Variants in DIPK1C observed in about 807,000 individuals in gnomAD.
DIPK1C encodes familial non-conventional Alzheimer's dementia.
A neutral mutation model predicts 28.0 loss-of-function variants in DIPK1C; 33 were observed. The ratio of observed to expected loss-of-function variants is 1.18; its 90% confidence interval spans 0.89 to 1.58. DIPK1C has a LOEUF of 1.58. Ranked by LOEUF, DIPK1C falls within the 40% of genes most tolerant of loss-of-function variation. The probability of loss-of-function intolerance (pLI) is 0.00; values close to 1 mark genes in which losing one functional copy is unlikely to be tolerated. For synonymous variants in DIPK1C, 255 were observed against 248.8 expected (o/e 1.02, Z -0.23); for missense variants, 569 against 568.5 (o/e 1.00, Z -0.01).
At chr18:74,457,312 C>A, upstream of DIPK1C, 1 of 975,820 alleles carries the variant, frequency 1.0e-6, no homozygotes, top group Middle Eastern at 5.3e-4. Flanking sequence ...CCGAGTTCCG[C>A]ACTCGCGTAG....
intron 3 of DIPK1C, among the ~76,000 whole-genome samples, chr18:74,438,262 G>T (rs1305956501): frequency 2.0e-5 from 3 of 152,208 alleles, no homozygotes; most frequent in Non-Finnish European, 1.5e-5. Context: ...GTGTGCGTGT[G>T]TCGTAAGTTA....
At position 74,447,884 on chromosome 18, in the gene DIPK1C, T is replaced by G. The variant is rs1389163569; in HGVS notation, c.199-601A>C. Among the ~76,000 whole-genome samples the G allele has an allele frequency of 6.6e-6, 1 of 151,690 alleles. No individual in the cohort carries two copies. Among genetic ancestry groups the G allele is most frequent in the Non-Finnish European group, 1.5e-5 (1 of 67,854 alleles). On this transcript the variant is annotated intron_variant, in intron 1 of 3. Coordinates refer to ENST00000343998, the MANE Select transcript of DIPK1C (RefSeq NM_001044369.3). The surrounding 1 kb of genome is among the most constrained non-coding windows in gnomAD (Gnocchi z 4.1). The stretch of plus-strand genomic sequence containing the variant: ...AGAGGAGAAGCCTCTAGAGGACACA[T>G]GAGTGGGCACAGGGCTCATGGCTGG...
intron 3 of DIPK1C, 91 bp from the exon 4 acceptor site, chr18:74,436,810 G>T: frequency 8.1e-7 from 1 of 1,240,658 alleles, no homozygotes. Context: ...ACAGATTTCA[G>T]CTTCTCTCCC....
At chr18:74,463,935 C>T in the DIPK1C span, among the ~76,000 whole-genome samples, 2 of 152,176 alleles carry the variant, frequency 1.3e-5, no homozygotes, top group Non-Finnish European at 2.9e-5. Flanking sequence ...AGGATGTTCA[C>T]ATCCAAAAAG....
At chr18:74,457,574 A>T (rs145055070), upstream of DIPK1C, among the ~76,000 whole-genome samples, 360 of 152,240 alleles carry the variant, frequency 2.4e-3, 3 homozygotes, top group African/African-American at 8.1e-3. Flanking sequence ...GGGTAGATTC[A>T]ATCGCCTCTC....
intron 1 of DIPK1C, among the ~76,000 whole-genome samples, chr18:74,452,373 A>C (rs1410648200): frequency 3.3e-5 from 5 of 152,108 alleles, no homozygotes; most frequent in African/African-American, 1.2e-4. Context: ...TGTGCCTGCT[A>C]AGCACAGAAA....
chr18:74,438,897 C>G (rs1323512401), intron 3 of DIPK1C, among the ~76,000 whole-genome samples: 1 of 152,178 alleles, frequency 6.6e-6, no homozygotes. Context: ...CCCTCTTTAA[C>G]CAATCACTAG....
chr18:74,462,886 AC>A (rs1413680532), upstream of DIPK1C, among the ~76,000 whole-genome samples: 3 of 152,180 alleles, frequency 2.0e-5, no homozygotes, highest in African/African-American at 7.2e-5. Flanking sequence ...GCTAGAAGTC[AC>A]CCTGCAATTT....
rs1230186826 is a variant in DIPK1C at position 74,457,179 on chromosome 18, G to A, written c.81C>T (p.Ala27=). The A allele has an allele frequency of 7.6e-7, 1 of 1,314,558 alleles. No individual in the cohort carries two copies. The highest frequency in any genetic ancestry group is 3.9e-5 in the Admixed American group (1 of 25,656). The allele number at this position is 1,314,558 out of a possible 1,614,324, so 81.4% of individuals were successfully genotyped here. A position where few individuals can be genotyped will look rare whatever the true frequency, so the allele number is the denominator to read the frequency against. The part of the protein sequence containing the change: ...RGRCGRGTLL[A]FAAWTAGWVL... ...CCCAGCCCGCGGTCCACGCGGCGAAGGCGAGGAGCGTGCCCCGCCCGCAGC... is the reference window on the plus strand; with the variant it reads ...CCCAGCCCGCGGTCCACGCGGCGAAAGCGAGGAGCGTGCCCCGCCCGCAGC... The change falls in exon 1 of 4, where the codon GCC becomes GCT. Residue 27 remains alanine (A), a synonymous_variant. Coordinates refer to ENST00000343998, the MANE Select transcript of DIPK1C (RefSeq NM_001044369.3).
chr18:74,459,357 G>A (rs1423532485), upstream of DIPK1C, among the ~76,000 whole-genome samples: 1 of 152,130 alleles, frequency 6.6e-6, no homozygotes, highest in African/African-American at 2.4e-5. Context: ...ACTTCTTTTG[G>A]CATTTTATAA....
At chr18:74,452,425 T>C (rs1372311464) in intron 1 of DIPK1C, among the ~76,000 whole-genome samples, 1 of 152,004 alleles carries the variant, frequency 6.6e-6, no homozygotes, top group Admixed American at 6.6e-5. Context: ...GTCAACTTAA[T>C]GTACAAATTG....
intron 1 of DIPK1C, among the ~76,000 whole-genome samples, chr18:74,451,474 G>A (rs1035710713): frequency 2.0e-5 from 3 of 152,182 alleles, no homozygotes; most frequent in East Asian, 1.9e-4. Flanking sequence ...CCACAGCACC[G>A]TGTTTAACAC....
In DIPK1C at chr18:74,445,123, C is replaced by T. The variant is rs182776164; in HGVS notation, c.876+1483G>A. Among the ~76,000 whole-genome samples the T allele has an allele frequency of 3.9e-3, 597 of 152,294 alleles. 2 individuals carry two copies. The highest frequency in any genetic ancestry group is 0.013 in the African/African-American group (559 of 41,536). On this transcript the variant is annotated intron_variant, in intron 2 of 3. Transcript: ENST00000343998. ...GAGGAAGAAGGGAGTGACTGAGTGG[C>T]GAGAACTGGCCCGCAGCTGCCCAGA...
At chr18:74,454,756 T>C (rs543489762) in intron 1 of DIPK1C, among the ~76,000 whole-genome samples, 1 of 152,214 alleles carries the variant, frequency 6.6e-6, no homozygotes, top group African/African-American at 2.4e-5. Flanking sequence ...AGAGTTGGGA[T>C]TGTGAAGATT....
chr18:74,460,361 TG>T (rs1193738951), upstream of DIPK1C, among the ~76,000 whole-genome samples: 1 of 152,246 alleles, frequency 6.6e-6, no homozygotes, highest in Non-Finnish European at 1.5e-5. Context: ...TACTTGTTTT[TG>T]TTTTTGTTTT....
intron 1 of DIPK1C, among the ~76,000 whole-genome samples, chr18:74,456,787 G>A (rs929187133): frequency 6.6e-6 from 1 of 152,230 alleles, no homozygotes; most frequent in African/African-American, 2.4e-5. Context: ...GCTCAGGGGT[G>A]GCGAGGGTAG....
chr18:74,438,176 G>A (rs1228579660), intron 3 of DIPK1C, among the ~76,000 whole-genome samples: 1 of 152,198 alleles, frequency 6.6e-6, no homozygotes, highest in East Asian at 1.9e-4. Context: ...ACAGGCATGA[G>A]CCACCACGCC....
At chr18:74,451,468 AG>A (rs1473922710) in intron 1 of DIPK1C, among the ~76,000 whole-genome samples, 6 of 152,210 alleles carry the variant, frequency 3.9e-5, no homozygotes, top group Non-Finnish European at 7.3e-5. Context: ...AGGTCCCCAC[AG>A]CACCGTGTTT....
At chr18:74,437,982 C>A (rs982827898) in intron 3 of DIPK1C, among the ~76,000 whole-genome samples, 3 of 152,210 alleles carry the variant, frequency 2.0e-5, no homozygotes, top group African/African-American at 7.2e-5. Flanking sequence ...ACTTTGACTT[C>A]CTTGGTTCAA....
Sources: allele counts gnomAD v4.1 joint callset (sites outside exome capture counted in the v4.1 genomes callset), GRCh38; gene constraint gnomAD v4.1.1; non-coding constraint Gnocchi (gnomAD v3.1); transcripts MANE v1.5; gene names NCBI Gene and HGNC (gene_info 2026-07-23, HGNC 2026-07-21).